The following SCFD2 variants were observed in gnomAD, a reference collection of about 807,000 sequenced individuals.
The protein encoded by SCFD2 is sec1 family domain containing 2.
SCFD2 carries 54 observed loss-of-function variants against 58.9 expected under a neutral mutation model. The ratio of observed to expected loss-of-function variants is 0.92; its 90% confidence interval spans 0.74 to 1.15. SCFD2 has a LOEUF of 1.15. SCFD2 is among the 50% of genes most tolerant of loss of function. The pLI is 0.00. For missense variants in SCFD2, 805 were observed against 836.6 expected, an observed-to-expected ratio of 0.96 and a Z score of 0.47; for synonymous variants, 321 against 335.9, an observed-to-expected ratio of 0.96 and a Z score of 0.49.
chr4:53,352,309 T>C (rs1577996756), intron 2 of SCFD2, among the ~76,000 whole-genome samples: 1 of 152,352 alleles, frequency 6.6e-6, no homozygotes, highest in East Asian at 1.9e-4. Context: ...TGTGAAACTA[T>C]CTGTGAAATG....
chr4:53,321,045 T>C lies in SCFD2; in HGVS notation c.1008-7282A>G, dbSNP rs1733008373. On this transcript the variant is annotated intron_variant, in intron 2 of 8. Coordinates refer to ENST00000401642, the MANE Select transcript of SCFD2 (RefSeq NM_152540.4). ...TATTTAAAATGCCAATACATACTAA[T>C]TGTCATTTTTTGATAAATTATTCTG... 2.0e-5 allele frequency among the ~76,000 whole-genome samples: 3 copies of C among 152,346 alleles called. No individual in the cohort carries two copies. In the South Asian group the frequency reaches 6.2e-4, roughly 32 times the overall value.
intron 4 of SCFD2, among the ~76,000 whole-genome samples, chr4:53,178,443 C>T (rs1727421013): frequency 6.6e-6 from 1 of 152,182 alleles, no homozygotes; most frequent in Admixed American, 6.5e-5. Flanking sequence ...AGGGTCCTGT[C>T]TGCTAGAAGG....
intron 3 of SCFD2, among the ~76,000 whole-genome samples, chr4:53,277,902 A>G (rs1035845586): frequency 2.0e-5 from 3 of 151,546 alleles, no homozygotes; most frequent in Non-Finnish European, 4.4e-5. Context: ...AATGCAAAAA[A>G]ATTAGTTGGG....
intron 4 of SCFD2, among the ~76,000 whole-genome samples, chr4:53,217,461 CAACCCCTGCCTTTTTTTGTTTT>C (rs1320482478): frequency 9.2e-5 from 14 of 152,280 alleles, no homozygotes; most frequent in African/African-American, 3.4e-4. Context: ...ATTAGGATTG[CAACCCCTGCCTTTTTTTGTTTT>C]CCATTTGCTT....
chr4:53,259,134 T>C (rs1730749746), intron 4 of SCFD2, among the ~76,000 whole-genome samples: 1 of 152,096 alleles, frequency 6.6e-6, no homozygotes, highest in East Asian at 1.9e-4. Context: ...TAGTCAGATG[T>C]ATAGATTGTA....
chr4:52,931,378 T>A (rs1440444055), intron 5 of SCFD2, among the ~76,000 whole-genome samples: 1 of 152,052 alleles, frequency 6.6e-6, no homozygotes, highest in African/African-American at 2.4e-5. Context: ...AAGAACACTA[T>A]GACGTTATTA....
chr4:53,139,322 CCCGG>C lies in SCFD2; in HGVS notation c.1561+6007_1561+6010del, dbSNP rs1726042899. Among the ~76,000 whole-genome samples the C allele has an allele frequency of 2.0e-5, 3 of 151,822 alleles. No individual in the cohort carries two copies. In the South Asian group the frequency reaches 6.2e-4, roughly 32 times the overall value. On this transcript the variant is annotated intron_variant, in intron 5 of 8. Transcript: ENST00000401642. ...CCACAAGAAGTGAGGAGCGTCTCTG[CCCGG>C]CCGCCCATCGTCTGGGATGTGAGGA...
chr4:53,010,710 T>C (rs760152021), intron 5 of SCFD2, among the ~76,000 whole-genome samples: 2 of 152,206 alleles, frequency 1.3e-5, no homozygotes, highest in Non-Finnish European at 2.9e-5. Context: ...ATCTTAGGTA[T>C]GGTATTGGTC....
chr4:53,101,210 A>ACCC (rs1291737513), intron 5 of SCFD2, among the ~76,000 whole-genome samples: 1 of 152,034 alleles, frequency 6.6e-6, no homozygotes, highest in Non-Finnish European at 1.5e-5. Context: ...TGCAACAGGG[A>ACCC]CCCCTATGCT....
intron 4 of SCFD2, among the ~76,000 whole-genome samples, chr4:53,161,517 T>C (rs1726851051): frequency 6.6e-6 from 1 of 152,154 alleles, no homozygotes; most frequent in Admixed American, 6.6e-5. Context: ...AAAAACAACT[T>C]TCAATGGATG....
chr4:53,145,367 T>C lies in SCFD2; in HGVS notation c.1527A>G (p.Glu509=). 1 of 1,614,142 alleles carries C rather than the reference T, an allele frequency of 6.2e-7. No homozygotes were observed. Among genetic ancestry groups the C allele is most frequent in the South Asian group, 1.1e-5 (1 of 91,068 alleles). Residue 509 remains glutamate (E), a synonymous_variant, in exon 5 of 9, where the codon GAA becomes GAG. Transcript: ENST00000401642. ...KKALAQVFCE[E]SGLSPLLQKI... is the part of the protein sequence containing the mutation. ...TTTGCAGCAAAGGTGACAATCCAGA[T>C]TCCTCACAGAAGACCTGAGCCAATG... is the stretch of plus-strand genomic sequence containing the variant.
intron 4 of SCFD2, among the ~76,000 whole-genome samples, chr4:53,198,718 A>G (rs1041569940): frequency 2.0e-5 from 3 of 151,960 alleles, no homozygotes; most frequent in African/African-American, 4.8e-5. Flanking sequence ...TAAAGATCCT[A>G]TAAGAACCCT....
intron 5 of SCFD2, among the ~76,000 whole-genome samples, chr4:53,018,195 A>G (rs763152091): frequency 2.0e-5 from 3 of 152,200 alleles, no homozygotes; most frequent in Admixed American, 6.5e-5. Flanking sequence ...TTATTTAATC[A>G]TTTAATTGAT....
chr4:53,299,237 G>C (rs888646678), intron 3 of SCFD2, among the ~76,000 whole-genome samples: 2 of 152,152 alleles, frequency 1.3e-5, no homozygotes, highest in African/African-American at 4.8e-5. Context: ...AACCAATGCA[G>C]AGAAGTCCTT....
At chr4:53,215,985 G>A (rs1040469676) in intron 4 of SCFD2, among the ~76,000 whole-genome samples, 18 of 152,142 alleles carry the variant, frequency 1.2e-4, no homozygotes, top group African/African-American at 4.3e-4. Flanking sequence ...TTGCATCCCA[G>A]GGATGAAGCC....
At chr4:52,934,553 A>G (rs1269854462) in intron 5 of SCFD2, among the ~76,000 whole-genome samples, 3 of 152,306 alleles carry the variant, frequency 2.0e-5, no homozygotes, top group East Asian at 1.9e-4. Flanking sequence ...TTGGGGCCCA[A>G]TTTAGGCAGG....
intron 5 of SCFD2, among the ~76,000 whole-genome samples, chr4:52,951,668 A>G (rs1283604207): frequency 6.6e-6 from 1 of 152,108 alleles, no homozygotes; most frequent in African/African-American, 2.4e-5. Context: ...AAGAAGTGAT[A>G]CTCCAAAAGC....
chr4:53,037,827 TTA>T (rs1229353313), intron 5 of SCFD2, among the ~76,000 whole-genome samples: 1 of 152,132 alleles, frequency 6.6e-6, no homozygotes, highest in African/African-American at 2.4e-5. Context: ...TCTGTTATAT[TTA>T]TGAGACCTGA....
intron 4 of SCFD2, among the ~76,000 whole-genome samples, chr4:53,233,333 C>A (rs1378054656): frequency 1.3e-5 from 2 of 151,502 alleles, no homozygotes; most frequent in African/African-American, 4.9e-5. Context: ...ACTGTTATTT[C>A]CCTTTTGGTC....
Sources: allele counts gnomAD v4.1 joint callset (sites outside exome capture counted in the v4.1 genomes callset), GRCh38; gene constraint gnomAD v4.1.1; transcripts MANE v1.5; gene names NCBI Gene and HGNC (gene_info 2026-07-23, HGNC 2026-07-21).